BCL11A: variants seen among roughly 807,000 people sequenced by gnomAD.
BCL11A encodes the protein BCL11 transcription factor A.
BCL11A carries 2 observed loss-of-function variants against 55.9 expected under a neutral mutation model. The observed-to-expected ratio is 0.04, with a 90% confidence interval of 0.01 to 0.11. The LOEUF (loss-of-function observed/expected upper bound fraction) is 0.11. Ranked by LOEUF, BCL11A falls within the 10% of genes least tolerant of loss-of-function variation. BCL11A has a pLI of 1.00. For synonymous variants in BCL11A, 465 were observed against 473.4 expected (o/e 0.98, Z 0.23); for missense variants, 817 against 1,137.1 (o/e 0.72, Z 4.05).
Position 60,508,139 on chromosome 2 carries a change from G to C in BCL11A, c.385+37832C>G, listed in dbSNP as rs565889518. Among the ~76,000 whole-genome samples the C allele has an allele frequency of 2.6e-5, 4 of 152,276 alleles. No individual in the cohort carries two copies. The South Asian group carries it at 8.3e-4, about 32-fold the overall frequency. On this transcript the variant is annotated intron_variant, in intron 2 of 3. Transcript: ENST00000642384. ...CACAAACAAAAGTAGTTGAGCAACA[G>C]CTAAGTAGTTATTCATCTCAAAGAA...
Position 60,460,954 on chromosome 2 carries a change from T to C in BCL11A, c.1958A>G (p.Glu653Gly). Residue 653 changes from glutamate to glycine, a missense_variant, in exon 4 of 4, where the codon GAG (glutamate) becomes GGG (glycine). By Grantham distance (98) the Glu-to-Gly change is moderately conservative (BLOSUM62 -2). This residue lies in a region of BCL11A where 379 missense variants were observed against 425.3 expected (regional missense o/e 0.89). Transcript: ENST00000642384. The stretch of plus-strand genomic sequence containing the variant: ...GGCGAGCCACTGCGAGTACACGTTC[T>C]CCGTGTTGGGCATCGCGGCCGGGGG... ...DLPPAAMPNTENVYSQWLAGY... is the reference protein window; with the variant it reads ...DLPPAAMPNTGNVYSQWLAGY... 3.7e-6 allele frequency: 6 copies of C among 1,612,794 alleles called. No individual in the cohort carries two copies. Among genetic ancestry groups the C allele is most frequent in the Non-Finnish European group, 5.1e-6 (6 of 1,179,702 alleles).
intron 2 of BCL11A, among the ~76,000 whole-genome samples, chr2:60,511,997 T>TA (rs1680016539): frequency 6.6e-6 from 1 of 152,184 alleles, no homozygotes. Flanking sequence ...CATGGCGTAA[T>TA]ACTTGCTCGG....
At chr2:60,496,006 A>T (rs1678926565) in intron 2 of BCL11A, among the ~76,000 whole-genome samples, 1 of 152,222 alleles carries the variant, frequency 6.6e-6, no homozygotes, top group Non-Finnish European at 1.5e-5. Context: ...TCTGGAAAAG[A>T]GAACAAACAA....
intron 2 of BCL11A, among the ~76,000 whole-genome samples, chr2:60,497,692 T>G (rs767936125): frequency 2.6e-5 from 4 of 152,156 alleles, no homozygotes; most frequent in Non-Finnish European, 5.9e-5. Flanking sequence ...TTAACATCCT[T>G]TACTTTTTTT....
In BCL11A at chr2:60,457,297, T is replaced by C. The variant is rs541772085; in HGVS notation, c.*3107A>G. 9.8e-7 allele frequency: 1 copy of C among 1,017,662 alleles called. No homozygotes were observed. The highest frequency in any genetic ancestry group is 1.2e-6 in the Non-Finnish European group (1 of 848,956). The allele number at this position is 1,017,662 out of a possible 1,614,324, so 63.0% of individuals were successfully genotyped here. A position where few individuals can be genotyped will look rare whatever the true frequency, so the allele number is the denominator to read the frequency against. On this transcript the variant is annotated 3_prime_UTR_variant, in exon 4 of 4. Transcript: ENST00000642384. ...AAAACACAGACAGTGGTTTTTCCAATAGAACTTAACAAAGACCAGAAACAA... is the reference window on the plus strand; with the variant it reads ...AAAACACAGACAGTGGTTTTTCCAACAGAACTTAACAAAGACCAGAAACAA...
At chr2:60,532,792 G>A (rs889776722) in intron 2 of BCL11A, 5 of 152,030 alleles carry the variant, frequency 3.3e-5, no homozygotes, top group Non-Finnish European at 7.4e-5. Flanking sequence ...AACTGGTTTG[G>A]ATTAAAACAA....
chr2:60,506,728 C>G (rs964627380), intron 2 of BCL11A, among the ~76,000 whole-genome samples: 1 of 152,192 alleles, frequency 6.6e-6, no homozygotes, highest in Non-Finnish European at 1.5e-5. Flanking sequence ...CTCCTAAACG[C>G]CTGATATATA....
At chr2:60,467,138 T>TTGGTGGTGGTGGTGG (rs1676688985) in intron 3 of BCL11A, among the ~76,000 whole-genome samples, 17 of 61,820 alleles carry the variant, frequency 2.7e-4, no homozygotes, top group African/African-American at 1.1e-3. Context: ...GATGGTGGTG[T>TTGGTGGTGGTGGTGG]TGGTGGTGAT....
intron 3 of BCL11A, among the ~76,000 whole-genome samples, chr2:60,463,243 C>G (rs925551433): frequency 2.0e-5 from 3 of 152,312 alleles, no homozygotes; most frequent in Admixed American, 6.5e-5. Flanking sequence ...AGTTGTCCCC[C>G]GGTCAGACAA....
chr2:60,495,681 T>A (rs894990023), intron 2 of BCL11A: 1 of 152,264 alleles, frequency 6.6e-6, no homozygotes, highest in Admixed American at 6.5e-5. Context: ...TGTGTTGTGA[T>A]CCCTGTGGTT....
chr2:60,513,036 C>T (rs1185677434), intron 2 of BCL11A, among the ~76,000 whole-genome samples: 2 of 152,116 alleles, frequency 1.3e-5, no homozygotes, highest in Non-Finnish European at 2.9e-5. Flanking sequence ...CTGGTTACCC[C>T]CTGAGAAAGG....
rs1572948270 is a variant in BCL11A at position 60,460,351 on chromosome 2, G to A, written c.*53C>T. 1 of 1,545,176 alleles carries A rather than the reference G, an allele frequency of 6.5e-7. No individual in the cohort carries two copies. Among genetic ancestry groups the A allele is most frequent in the Non-Finnish European group, 8.8e-7 (1 of 1,140,276 alleles). On this transcript the variant is annotated 3_prime_UTR_variant, in exon 4 of 4. Coordinates refer to ENST00000642384, the MANE Select transcript of BCL11A (RefSeq NM_022893.4). ...GGCTGGAGGGCGATGGGGAAGGGGAGTGGTGAAAAAGGGGGTGTCAGGTGG... is the reference window on the plus strand; with the variant it reads ...GGCTGGAGGGCGATGGGGAAGGGGAATGGTGAAAAAGGGGGTGTCAGGTGG...
At chr2:60,539,603 T>C (rs1669831425) in intron 2 of BCL11A, among the ~76,000 whole-genome samples, 1 of 152,232 alleles carries the variant, frequency 6.6e-6, no homozygotes, top group Admixed American at 6.5e-5. Flanking sequence ...AGTCTGATGT[T>C]TACTGGCTTC....
chr2:60,514,270 G>A (rs981023083), intron 2 of BCL11A, among the ~76,000 whole-genome samples: 11 of 152,112 alleles, frequency 7.2e-5, no homozygotes, highest in Non-Finnish European at 8.8e-5. Flanking sequence ...GGAACACCCC[G>A]GCCACTGGTG....
intron 2 of BCL11A, among the ~76,000 whole-genome samples, chr2:60,511,863 T>A (rs1476917974): frequency 2.0e-5 from 3 of 152,238 alleles, no homozygotes; most frequent in African/African-American, 7.2e-5. Flanking sequence ...GGAGCTTTTT[T>A]CTTTCAAATA....
intron 2 of BCL11A, among the ~76,000 whole-genome samples, chr2:60,506,309 A>G (rs1298920156): frequency 2.0e-5 from 3 of 152,264 alleles, no homozygotes; most frequent in Admixed American, 6.5e-5. Flanking sequence ...TTCACAGGCC[A>G]GCTGTGGTCT....
chr2:60,543,291 T>C (rs2104729405), intron 2 of BCL11A: 1 of 152,364 alleles, frequency 6.6e-6, no homozygotes, highest in Admixed American at 6.5e-5. Flanking sequence ...CACGCTTAAA[T>C]GACTACCTTT....
chr2:60,494,092 C>A (rs1678805811), intron 2 of BCL11A, among the ~76,000 whole-genome samples: 1 of 152,204 alleles, frequency 6.6e-6, no homozygotes, highest in African/African-American at 2.4e-5. Context: ...GAGACCACTA[C>A]TGGCAATAAA....
At chr2:60,505,318 A>ATTG (rs1679524407) in intron 2 of BCL11A, among the ~76,000 whole-genome samples, 1 of 152,228 alleles carries the variant, frequency 6.6e-6, no homozygotes, top group African/African-American at 2.4e-5. Flanking sequence ...ATTCTTCCAG[A>ATTG]TTGTTCCAAA....
Sources: allele counts gnomAD v4.1 joint callset (sites outside exome capture counted in the v4.1 genomes callset), GRCh38; gene constraint gnomAD v4.1.1; regional missense constraint gnomAD v4.1.1; transcripts MANE v1.5; gene names NCBI Gene and HGNC (gene_info 2026-07-23, HGNC 2026-07-21).